GTF2B: variants seen among roughly 807,000 people sequenced by gnomAD.
The protein encoded by GTF2B is general transcription factor IIB, also known as transcription initiation factor IIB.
GTF2B carries 20 observed loss-of-function variants against 34.6 expected under a neutral mutation model. The ratio of observed to expected loss-of-function variants is 0.58; its 90% CI spans 0.41 to 0.84. The LOEUF is 0.84. GTF2B is among the 40% of genes least tolerant of loss of function. The probability of loss-of-function intolerance (pLI) is 0.00; values close to 1 mark genes in which losing one functional copy is unlikely to be tolerated. For synonymous variants in GTF2B, 142 were observed against 132.4 expected, an observed-to-expected ratio of 1.07 and a Z score of -0.50; for missense variants, 237 against 393.3, an observed-to-expected ratio of 0.60 and a Z score of 3.36.
chr1:88,873,221 G>A (rs923214588), intron 2 of GTF2B, among the ~76,000 whole-genome samples: 14 of 128,746 alleles, frequency 1.1e-4, no homozygotes, highest in African/African-American at 1.5e-4. Flanking sequence ...ACAGAGTCTC[G>A]CTGTGTCGCC....
intron 2 of GTF2B, among the ~76,000 whole-genome samples, chr1:88,885,801 A>G (rs1053036339): frequency 6.6e-6 from 1 of 152,254 alleles, no homozygotes; most frequent in African/African-American, 2.4e-5. Context: ...GTATTTTCAC[A>G]TGTCCTAAAA....
chr1:88,883,661 CAA>C (rs199904224), intron 2 of GTF2B, among the ~76,000 whole-genome samples: 1 of 150,154 alleles, frequency 6.7e-6, no homozygotes, highest in East Asian at 1.9e-4. Context: ...GACTCTGTCT[CAA>C]AAAAAAAGTC....
intron 2 of GTF2B, among the ~76,000 whole-genome samples, chr1:88,879,785 G>A (rs1434079480): frequency 6.6e-6 from 1 of 152,046 alleles, no homozygotes; most frequent in Non-Finnish European, 1.5e-5. Context: ...GCTGGGCGCA[G>A]TGCCTCACAC....
At chr1:88,879,372 A>C (rs971321746) in intron 2 of GTF2B, among the ~76,000 whole-genome samples, 4 of 151,936 alleles carry the variant, frequency 2.6e-5, no homozygotes, top group African/African-American at 9.7e-5. Flanking sequence ...TGAGGTTAGG[A>C]GTTCGATACC....
rs1241013522 is a variant in GTF2B at position 88,853,334 on chromosome 1, A to G, written c.830T>C (p.Ile277Thr). 1.2e-6 allele frequency: 2 copies of G among 1,612,626 alleles called. No individual in the cohort carries two copies. Among genetic ancestry groups the G allele is most frequent in the Non-Finnish European group, 1.7e-6 (2 of 1,178,794 alleles). Residue 277 changes from isoleucine (I) to threonine (T), a missense_variant, in exon 7 of 7, where the codon ATT becomes ACT. Coordinates refer to ENST00000370500, the MANE Select transcript of GTF2B (RefSeq NM_001514.6). ...EKRTQKEIGD[I>T]AGVADVTIRQ... ...GATTGTAACATCAGCAACACCAGCA[A>G]TATCTCCAATTTCTAAAAGACAAAA...
At chr1:88,883,697 G>A (rs6675893) in intron 2 of GTF2B, among the ~76,000 whole-genome samples, 17,752 of 151,996 alleles carry the variant, frequency 0.12, 2,481 homozygotes, top group African/African-American at 0.34. Flanking sequence ...TGATAGTTAC[G>A]TGCACAAGAG....
intron 2 of GTF2B, among the ~76,000 whole-genome samples, chr1:88,874,158 A>G (rs1673761323): frequency 6.6e-6 from 1 of 152,202 alleles, no homozygotes; most frequent in East Asian, 1.9e-4. Context: ...GCGCAATGTG[A>G]AAACCAGAAG....
intron 2 of GTF2B, among the ~76,000 whole-genome samples, chr1:88,867,410 T>C (rs1347678203): frequency 6.6e-6 from 1 of 152,072 alleles, no homozygotes; most frequent in Non-Finnish European, 1.5e-5. Context: ...ATTAAAGTGA[T>C]ACCATGGTGT....
At chr1:88,862,853 G>C (rs540835942) in intron 3 of GTF2B, among the ~76,000 whole-genome samples, 35 of 151,910 alleles carry the variant, frequency 2.3e-4, no homozygotes, top group African/African-American at 7.2e-4. Flanking sequence ...ATCTTGGCCA[G>C]GCTGGTCTTG....
chr1:88,882,147 T>A (rs576106173), intron 2 of GTF2B, among the ~76,000 whole-genome samples: 4 of 151,904 alleles, frequency 2.6e-5, no homozygotes, highest in Admixed American at 2.6e-4. Context: ...CTGTCTCTAC[T>A]AAAAATACAA....
chr1:88,857,210 TTGGGTCCTCTTTTCAGCTGATGCC>T lies in GTF2B; in HGVS notation c.789_812del (p.Ala264_Gln271del). ...CTTCCTGATGACGAACCCTACCTTTTTGGGTCCTCTTTTCAGCTGATGCCTGTGAGGCCATGTAAATAGCTGCCG... is the reference window on the plus strand; with the variant it reads ...CTTCCTGATGACGAACCCTACCTTTTTGTGAGGCCATGTAAATAGCTGCCG... On this transcript the variant is annotated inframe_deletion, in exon 6 of 7. Coordinates refer to ENST00000370500, the MANE Select transcript of GTF2B (RefSeq NM_001514.6). 1 of 1,605,526 alleles carries T rather than the reference TTGGGTCCTCTTTTCAGCTGATGCC, an allele frequency of 6.2e-7. No individual in the cohort carries two copies. The highest frequency in any genetic ancestry group is 8.5e-7 in the Non-Finnish European group (1 of 1,176,590).
chr1:88,886,712 C>G (rs17099906), intron 2 of GTF2B, among the ~76,000 whole-genome samples: 1 of 152,062 alleles, frequency 6.6e-6, no homozygotes, highest in African/African-American at 2.4e-5. Context: ...GGGGCCTTTT[C>G]GTTTCTTCTG....
At chr1:88,874,460 G>C (rs1046384701) in intron 2 of GTF2B, among the ~76,000 whole-genome samples, 1 of 148,986 alleles carries the variant, frequency 6.7e-6, no homozygotes, top group Non-Finnish European at 1.5e-5. Flanking sequence ...CAAGTAGCTA[G>C]GACTATAGGC....
chr1:88,860,290 T>C lies in GTF2B; in HGVS notation c.259-4A>G, dbSNP rs1673405324. On this transcript the variant is annotated splice_polypyrimidine_tract_variant and splice_region_variant and intron_variant, in intron 3 of 6. Transcript: ENST00000370500. ...CAAAACTTGCAGCTCCTGTGCCCTA[T>C]AAAACAGTTTTATAACTATGAAAAA... The C allele has an allele frequency of 6.2e-7, 1 of 1,606,388 alleles. No homozygotes were observed. Among genetic ancestry groups the C allele is most frequent in the Non-Finnish European group, 8.5e-7 (1 of 1,177,868 alleles).
chr1:88,871,316 T>C (rs1482553235), intron 2 of GTF2B, among the ~76,000 whole-genome samples: 1 of 152,208 alleles, frequency 6.6e-6, no homozygotes, highest in East Asian at 1.9e-4. Flanking sequence ...TTTTAAAAGC[T>C]CAGTGGCTTA....
intron 4 of GTF2B, 46 bp from the exon 5 acceptor site, chr1:88,860,057 C>CT (rs1557653524): frequency 1.2e-6 from 2 of 1,610,644 alleles, no homozygotes; most frequent in South Asian, 2.2e-5. Flanking sequence ...ATTTAATTAG[C>CT]TGCAATATCA....
chr1:88,872,026 T>C (rs1238368340), intron 2 of GTF2B, among the ~76,000 whole-genome samples: 2 of 152,132 alleles, frequency 1.3e-5, no homozygotes, highest in Non-Finnish European at 2.9e-5. Flanking sequence ...AGCAATTGCG[T>C]CCAGCCCAGA....
intron 1 of GTF2B, chr1:88,887,832 G>T (rs554786413): frequency 6.1e-6 from 1 of 163,404 alleles, no homozygotes; most frequent in South Asian, 1.6e-4. Context: ...ACTGAACCCA[G>T]TAAGTATAGA....
intron 6 of GTF2B, among the ~76,000 whole-genome samples, chr1:88,854,352 A>G (rs543176324): frequency 6.6e-6 from 1 of 152,298 alleles, no homozygotes; most frequent in African/African-American, 2.4e-5. Flanking sequence ...TCAAACGAAC[A>G]TTGTACAGAA....
Sources: allele counts gnomAD v4.1 joint callset (sites outside exome capture counted in the v4.1 genomes callset), GRCh38; gene constraint gnomAD v4.1.1; transcripts MANE v1.5; gene names NCBI Gene and HGNC (gene_info 2026-07-23, HGNC 2026-07-21).